Variants in FIBCD1 observed in about 807,000 individuals in gnomAD.
FIBCD1 encodes fibrinogen C domain-containing protein 1.
In FIBCD1, 47 loss-of-function variants were observed where a neutral mutation model predicts 45.1. The observed-to-expected ratio is 1.04, with a 90% CI of 0.82 to 1.33. The LOEUF (loss-of-function observed/expected upper bound fraction) is 1.33. Ranked by LOEUF, FIBCD1 falls within the 40% of genes most tolerant of loss-of-function variation. The pLI is 0.00. For synonymous variants in FIBCD1, 313 were observed against 308.1 expected, an observed-to-expected ratio of 1.02 and a Z score of -0.17; for missense variants, 653 against 682.2, an observed-to-expected ratio of 0.96 and a Z score of 0.48.
At chr9:130,921,857 T>C (rs1367504289) in intron 4 of FIBCD1, among the ~76,000 whole-genome samples, 1 of 152,240 alleles carries the variant, frequency 6.6e-6, no homozygotes, top group African/African-American at 2.4e-5. Context: ...TTAAAAGCTC[T>C]CCTCTGGAGC....
upstream of FIBCD1, among the ~76,000 whole-genome samples, chr9:130,940,279 G>T (rs1334270537): frequency 6.6e-6 from 1 of 152,260 alleles, no homozygotes; most frequent in Non-Finnish European, 1.5e-5. Context: ...ACTGCCACCC[G>T]CCAGGCGCTG....
In FIBCD1 at chr9:130,934,531, C is replaced by T. The variant is rs375651411; in HGVS notation, c.72+4005G>A. Reference sequence around the variant, plus strand: ...CAGCCTCTGCCCCTCCGGGAGGTTCCAAGCCCCCCAGCTGTCTCACTTCCT... The same window carrying T: ...CAGCCTCTGCCCCTCCGGGAGGTTCTAAGCCCCCCAGCTGTCTCACTTCCT... On this transcript the variant is annotated intron_variant, in intron 1 of 6. Transcript: ENST00000372338. 7.2e-5 allele frequency among the ~76,000 whole-genome samples: 11 copies of T among 152,302 alleles called. No individual in the cohort carries two copies. In the East Asian group the frequency reaches 1.5e-3, roughly 21 times the overall value.
chr9:130,915,017 A>G (rs1832134448), intron 4 of FIBCD1, among the ~76,000 whole-genome samples: 1 of 152,228 alleles, frequency 6.6e-6, no homozygotes, highest in East Asian at 1.9e-4. Context: ...GGGGCCGACT[A>G]CATCTTGTGC....
chr9:130,919,488 G>A (rs1220477983), intron 4 of FIBCD1, among the ~76,000 whole-genome samples: 1 of 152,162 alleles, frequency 6.6e-6, no homozygotes, highest in Non-Finnish European at 1.5e-5. Context: ...CAGCCTCCCC[G>A]GCACAGGGGT....
intron 4 of FIBCD1, among the ~76,000 whole-genome samples, chr9:130,917,072 T>C (rs1832174757): frequency 6.6e-6 from 1 of 152,146 alleles, no homozygotes; most frequent in Admixed American, 6.5e-5. Flanking sequence ...CACTCCAGCC[T>C]GGGCAACAGA....
chr9:130,930,456 A>G (rs370814760), intron 1 of FIBCD1, among the ~76,000 whole-genome samples: 39 of 80,044 alleles, frequency 4.9e-4, no homozygotes, highest in African/African-American at 7.2e-4. Context: ...GGGGAGACGC[A>G]GGGAGACGCG....
intron 4 of FIBCD1, among the ~76,000 whole-genome samples, chr9:130,918,502 C>T (rs1354279088): frequency 6.6e-6 from 1 of 152,236 alleles, no homozygotes; most frequent in Non-Finnish European, 1.5e-5. Context: ...CAGTTACAGA[C>T]AGGACTGTCT....
intron 1 of FIBCD1, among the ~76,000 whole-genome samples, chr9:130,936,051 G>C (rs1235637427): frequency 6.6e-6 from 1 of 152,194 alleles, no homozygotes; most frequent in African/African-American, 2.4e-5. Flanking sequence ...GCTGCGAGAG[G>C]CATCCTCCTC....
chr9:130,912,502 T>C (rs985536295), intron 4 of FIBCD1, among the ~76,000 whole-genome samples: 18 of 149,002 alleles, frequency 1.2e-4, no homozygotes, highest in Non-Finnish European at 1.9e-4. Context: ...AGGTCAGGAG[T>C]TCGAGACCAG....
At chr9:130,906,853 C>T (rs1831936853) in intron 5 of FIBCD1, among the ~76,000 whole-genome samples, 2 of 152,212 alleles carry the variant, frequency 1.3e-5, no homozygotes, top group South Asian at 2.1e-4. Flanking sequence ...CTGGGCGGCT[C>T]TTCTGGCAGG....
intron 1 of FIBCD1, among the ~76,000 whole-genome samples, chr9:130,932,761 C>T (rs1297201750): frequency 6.6e-6 from 1 of 152,216 alleles, no homozygotes; most frequent in Admixed American, 6.5e-5. Context: ...ATTCAACTGC[C>T]TCTGTGCCAG....
rs1012346336 is a variant in FIBCD1 at position 130,938,637 on chromosome 9, C to T, written c.-30G>A. 3 of 1,396,596 alleles carry T rather than the reference C, an allele frequency of 2.1e-6. No individual in the cohort carries two copies. Among genetic ancestry groups the T allele is most frequent in the Non-Finnish European group, 2.8e-6 (3 of 1,070,488 alleles). The allele number at this position is 1,396,596 out of a possible 1,614,324, so 86.5% of individuals were successfully genotyped here. ...CGGCAGGACTGGCGGGGGCGCCGGG[C>T]GAGGCGCGCCGCTGCGGAGCGCAAA... On this transcript the variant is annotated 5_prime_UTR_variant, in exon 1 of 7. Transcript: ENST00000372338.
upstream of FIBCD1, among the ~76,000 whole-genome samples, chr9:130,940,618 C>G (rs892943842): frequency 9.9e-5 from 15 of 152,250 alleles, no homozygotes; most frequent in East Asian, 1.5e-3. Context: ...TCAGTTTCCC[C>G]ATGTAAGCCA....
At chr9:130,911,423 G>A (rs1832043954) in intron 5 of FIBCD1, among the ~76,000 whole-genome samples, 1 of 152,164 alleles carries the variant, frequency 6.6e-6, no homozygotes, top group South Asian at 2.1e-4. Flanking sequence ...GGGCAGGGTG[G>A]GGCCGGGTCC....
chr9:130,907,022 GA>G (rs1831940571), intron 5 of FIBCD1, among the ~76,000 whole-genome samples: 1 of 152,184 alleles, frequency 6.6e-6, no homozygotes, highest in Non-Finnish European at 1.5e-5. Flanking sequence ...GCATTGCTGG[GA>G]TTTGAACCCA....
intron 1 of FIBCD1, chr9:130,937,990 T>C (rs553336582): frequency 6.6e-6 from 1 of 152,458 alleles, no homozygotes; most frequent in Non-Finnish European, 1.5e-5. Flanking sequence ...TGTCTTAAAG[T>C]CAGAAAATCA....
Position 130,902,466 on chromosome 9 carries a change from T to C in FIBCD1, c.*1598A>G, listed in dbSNP as rs576726544. The C allele has an allele frequency of 6.6e-6, 1 of 152,374 alleles. No individual in the cohort carries two copies. Among genetic ancestry groups the C allele is most frequent in the South Asian group, 2.1e-4 (1 of 4,822 alleles). The allele number at this position is 152,374 out of a possible 1,614,324, so 9.4% of individuals were successfully genotyped here. A position where few individuals can be genotyped will look rare whatever the true frequency, so the allele number is the denominator to read the frequency against. Reference sequence around the variant, plus strand: ...GCGCATGTGGATGACCTGGTGGCACTGGGACAGAGAGCCAGGTCACACGGC... The same window carrying C: ...GCGCATGTGGATGACCTGGTGGCACCGGGACAGAGAGCCAGGTCACACGGC... On this transcript the variant is annotated 3_prime_UTR_variant, in exon 7 of 7. Transcript: ENST00000372338.
intron 4 of FIBCD1, among the ~76,000 whole-genome samples, chr9:130,916,914 A>G (rs562155839): frequency 3.9e-4 from 59 of 152,290 alleles, no homozygotes; most frequent in African/African-American, 1.4e-3. Flanking sequence ...TCTGGCTAAT[A>G]TGGTGAAACC....
chr9:130,927,086 C>T (rs2133112559), intron 2 of FIBCD1, among the ~76,000 whole-genome samples: 1 of 151,774 alleles, frequency 6.6e-6, no homozygotes, highest in East Asian at 1.9e-4. Context: ...AAATTTTAAT[C>T]AAAAAAATTA....
Sources: gnomAD v4.1 joint callset for allele counts (sites outside exome capture counted in the v4.1 genomes callset) on GRCh38, gnomAD v4.1.1 for gene constraint, MANE v1.5 for transcripts, NCBI Gene and HGNC (gene_info 2026-07-23, HGNC 2026-07-21) for gene names.